The following AMPH variants were observed in gnomAD, a reference collection of about 807,000 sequenced individuals.
AMPH encodes the protein amphiphysin.
A neutral mutation model predicts 99.1 loss-of-function variants in AMPH; 49 were observed. That is an observed-to-expected ratio of 0.49 (90% CI 0.39 to 0.63). The LOEUF is 0.63. Among genes scored for constraint, AMPH ranks in the 20% least tolerant of loss-of-function variants. The pLI is 0.00. For synonymous variants in AMPH, 314 were observed against 317.3 expected (o/e 0.99, Z 0.11); for missense variants, 759 against 863.4 (o/e 0.88, Z 1.52).
intron 1 of AMPH, among the ~76,000 whole-genome samples, chr7:38,582,074 C>T (rs1272420954): frequency 6.6e-6 from 1 of 151,928 alleles, no homozygotes; most frequent in East Asian, 1.9e-4. Context: ...ATGATGTCCC[C>T]ACAGAGTGAA....
chr7:38,403,221 G>A (rs1007376031), intron 17 of AMPH, among the ~76,000 whole-genome samples: 1 of 152,192 alleles, frequency 6.6e-6, no homozygotes, highest in African/African-American at 2.4e-5. Flanking sequence ...GTAGAAAAAG[G>A]AAAGCTACGA....
chr7:38,517,201 G>T (rs140319965), intron 2 of AMPH, among the ~76,000 whole-genome samples: 279 of 152,294 alleles, frequency 1.8e-3, no homozygotes, highest in African/African-American at 6.3e-3. Context: ...GGAGGCCAGA[G>T]AAGGAATGAT....
chr7:38,455,623 C>T (rs1236357713), intron 11 of AMPH, among the ~76,000 whole-genome samples: 3 of 152,126 alleles, frequency 2.0e-5, no homozygotes, highest in Non-Finnish European at 4.4e-5. Context: ...GTGAGAATTC[C>T]CAGGACTCCA....
intron 1 of AMPH, among the ~76,000 whole-genome samples, chr7:38,539,900 C>T (rs2129042277): frequency 6.6e-6 from 1 of 152,316 alleles, no homozygotes; most frequent in Middle Eastern, 3.4e-3. Flanking sequence ...GATCTTAAGA[C>T]ACCAAAGACA....
intron 1 of AMPH, among the ~76,000 whole-genome samples, chr7:38,596,071 T>G (rs112692935): frequency 6.6e-6 from 1 of 152,206 alleles, no homozygotes; most frequent in Non-Finnish European, 1.5e-5. Flanking sequence ...CACTGGGGTA[T>G]ATACCCAGTA....
At chr7:38,574,968 C>T (rs1381961667) in intron 1 of AMPH, among the ~76,000 whole-genome samples, 1 of 148,428 alleles carries the variant, frequency 6.7e-6, no homozygotes, top group African/African-American at 2.5e-5. Flanking sequence ...GCAGGAGTAT[C>T]ACTTGAACCC....
intron 17 of AMPH, among the ~76,000 whole-genome samples, chr7:38,409,966 T>A (rs1453777908): frequency 6.6e-6 from 1 of 152,252 alleles, no homozygotes; most frequent in African/African-American, 2.4e-5. Context: ...CAAACGTAAA[T>A]ACCATGTATT....
intron 17 of AMPH, among the ~76,000 whole-genome samples, chr7:38,404,887 A>T (rs1055886922): frequency 2.6e-5 from 4 of 152,206 alleles, no homozygotes; most frequent in African/African-American, 9.7e-5. Context: ...TGAGATTAAC[A>T]TCATCAAGAA....
At chr7:38,414,030 C>T (rs550401031) in intron 17 of AMPH, among the ~76,000 whole-genome samples, 1 of 152,346 alleles carries the variant, frequency 6.6e-6, no homozygotes, top group Admixed American at 6.5e-5. Flanking sequence ...TATCTATTTA[C>T]CACATCTCTG....
At chr7:38,554,386 A>G (rs1791288628) in intron 1 of AMPH, among the ~76,000 whole-genome samples, 1 of 151,852 alleles carries the variant, frequency 6.6e-6, no homozygotes, top group Admixed American at 6.6e-5. Context: ...TGAAGTCACA[A>G]TGTGATTTAG....
At chr7:38,592,169 C>T (rs536667554) in intron 1 of AMPH, among the ~76,000 whole-genome samples, 95 of 152,342 alleles carry the variant, frequency 6.2e-4, no homozygotes, top group African/African-American at 2.3e-3. Flanking sequence ...ATCGCTCATG[C>T]TATTGTTTGT....
chr7:38,388,153 G>A (rs78349434), intron 20 of AMPH, among the ~76,000 whole-genome samples: 4,484 of 152,082 alleles, frequency 0.029, 105 homozygotes, highest in Non-Finnish European at 0.043. Context: ...ATAGAAACTC[G>A]GACTTAAGGA....
At chr7:38,494,580 T>G in intron 3 of AMPH, 53 bp from the exon 4 acceptor site, 17 of 1,497,004 alleles carry the variant, frequency 1.1e-5, no homozygotes, top group South Asian at 2.3e-5. Flanking sequence ...GAGGATTCTC[T>G]TCTCCCTTCC....
chr7:38,625,378 G>C (rs1017466997), intron 1 of AMPH, among the ~76,000 whole-genome samples: 3 of 152,090 alleles, frequency 2.0e-5, no homozygotes, highest in African/African-American at 7.2e-5. Context: ...ACTTTTTAAA[G>C]TTCATTTAAA....
intron 1 of AMPH, among the ~76,000 whole-genome samples, chr7:38,577,187 A>G (rs1365709212): frequency 6.6e-6 from 1 of 151,022 alleles, no homozygotes; most frequent in African/African-American, 2.5e-5. Flanking sequence ...AATGACATCC[A>G]AAAACTAATT....
chr7:38,573,818 G>A (rs1792134724), intron 1 of AMPH, among the ~76,000 whole-genome samples: 1 of 152,146 alleles, frequency 6.6e-6, no homozygotes, highest in Non-Finnish European at 1.5e-5. Flanking sequence ...AACCTGCTTT[G>A]TGCCAAATAT....
At chr7:38,505,927 T>C (rs1045890388) in intron 2 of AMPH, among the ~76,000 whole-genome samples, 7 of 152,334 alleles carry the variant, frequency 4.6e-5, no homozygotes, top group African/African-American at 1.2e-4. Flanking sequence ...AGATCTGTCA[T>C]TGGAGAAAGA....
intron 14 of AMPH, chr7:38,429,631 A>C: frequency 1.4e-6 from 2 of 1,426,344 alleles, no homozygotes; most frequent in Non-Finnish European, 1.9e-6. Flanking sequence ...AAGATGAAAC[A>C]GAACATGGTA....
At chr7:38,476,198 A>C (rs1247687344) in intron 6 of AMPH, among the ~76,000 whole-genome samples, 1 of 152,206 alleles carries the variant, frequency 6.6e-6, no homozygotes, top group Non-Finnish European at 1.5e-5. Flanking sequence ...TGGACAGGTG[A>C]GTTACAGCCA....
Sources: gnomAD v4.1 joint callset for allele counts (sites outside exome capture counted in the v4.1 genomes callset) on GRCh38, gnomAD v4.1.1 for gene constraint, MANE v1.5 for transcripts, NCBI Gene and HGNC (gene_info 2026-07-23, HGNC 2026-07-21) for gene names.